The following ARHGAP32 variants were observed in gnomAD, a reference collection of about 807,000 sequenced individuals.
ARHGAP32 encodes the protein rho GTPase-activating protein 32.
In ARHGAP32, 51 loss-of-function variants were observed where a neutral mutation model predicts 186.5. That is an observed-to-expected ratio of 0.27 (90% confidence interval 0.22 to 0.35). ARHGAP32 has a LOEUF of 0.35. Among genes scored for constraint, ARHGAP32 ranks in the 10% least tolerant of loss-of-function variants. The probability of loss-of-function intolerance (pLI) is 1.00; values close to 1 mark genes in which losing one functional copy is unlikely to be tolerated. For synonymous variants in ARHGAP32, 950 were observed against 964.3 expected (o/e 0.99, Z 0.27); for missense variants, 2,186 against 2,623.5 (o/e 0.83, Z 3.64).
intron 1 of ARHGAP32, among the ~76,000 whole-genome samples, chr11:129,171,022 T>C (rs1439732126): frequency 6.6e-6 from 1 of 152,214 alleles, no homozygotes; most frequent in African/African-American, 2.4e-5. Context: ...GTTATTTATC[T>C]TTATCTTGTA....
At chr11:129,185,566 C>T (rs186862705) in intron 1 of ARHGAP32, among the ~76,000 whole-genome samples, 259 of 152,128 alleles carry the variant, frequency 1.7e-3, no homozygotes, top group Middle Eastern at 0.014. Context: ...CAAACCTGCA[C>T]GTTGTGCACA....
At chr11:129,088,994 T>TGAAAAAAAAAAAAAAAAA (rs1565416702) in intron 6 of ARHGAP32, among the ~76,000 whole-genome samples, 1 of 65,572 alleles carries the variant, frequency 1.5e-5, no homozygotes. Flanking sequence ...AGAGACCTTG[T>TGAAAAAAAAAAAAAAAAA]CAAAAAAAAA....
chr11:129,163,287 T>C (rs1309456008), intron 2 of ARHGAP32, among the ~76,000 whole-genome samples: 1 of 152,186 alleles, frequency 6.6e-6, no homozygotes, highest in East Asian at 1.9e-4. Flanking sequence ...GAACACTGAC[T>C]CTTAACCACA....
chr11:129,203,917 AT>A, intron 1 of ARHGAP32, among the ~76,000 whole-genome samples: 1 of 148,372 alleles, frequency 6.7e-6, no homozygotes, highest in Non-Finnish European at 1.5e-5. Flanking sequence ...GCATATATAT[AT>A]AATTGCATAC....
chr11:129,173,740 T>G (rs1197403315), intron 1 of ARHGAP32, among the ~76,000 whole-genome samples: 1 of 152,202 alleles, frequency 6.6e-6, no homozygotes, highest in Non-Finnish European at 1.5e-5. Flanking sequence ...ATAAATTCTT[T>G]AAAATATTTT....
At chr11:129,003,911 A>G (rs1469238649) in intron 11 of ARHGAP32, among the ~76,000 whole-genome samples, 1 of 151,826 alleles carries the variant, frequency 6.6e-6, no homozygotes, top group Non-Finnish European at 1.5e-5. Flanking sequence ...TTTTTCTTCT[A>G]CTAATTTGGG....
At chr11:129,252,171 T>C (rs1945195023) in intron 1 of ARHGAP32, among the ~76,000 whole-genome samples, 1 of 152,174 alleles carries the variant, frequency 6.6e-6, no homozygotes, top group Non-Finnish European at 1.5e-5. Context: ...CTTTAACACC[T>C]TTACCATCAC....
chr11:129,211,866 T>C (rs1944586217), intron 1 of ARHGAP32, among the ~76,000 whole-genome samples: 1 of 152,122 alleles, frequency 6.6e-6, no homozygotes, highest in Non-Finnish European at 1.5e-5. Flanking sequence ...TGTAAAGTAC[T>C]AAAATTGGCC....
chr11:129,271,958 GA>G (rs1945478504), intron 1 of ARHGAP32, among the ~76,000 whole-genome samples: 1 of 152,132 alleles, frequency 6.6e-6, no homozygotes, highest in South Asian at 2.1e-4. Context: ...GGTGGCTGAT[GA>G]TGCCACTTAC....
At chr11:129,199,136 G>T (rs773360265) in intron 1 of ARHGAP32, among the ~76,000 whole-genome samples, 1 of 152,148 alleles carries the variant, frequency 6.6e-6, no homozygotes, top group Non-Finnish European at 1.5e-5. Context: ...GATGTGACTG[G>T]GTTGCTGTTA....
At chr11:129,177,709 CAG>C (rs1443927037) in intron 1 of ARHGAP32, among the ~76,000 whole-genome samples, 5 of 152,116 alleles carry the variant, frequency 3.3e-5, no homozygotes, top group Admixed American at 2.0e-4. Context: ...TCAATAGATG[CAG>C]AAAAGGCCTT....
At chr11:129,093,736 GA>G (rs1344490555) in intron 5 of ARHGAP32, 29 bp from the exon 6 acceptor site, 3 of 1,473,840 alleles carry the variant, frequency 2.0e-6, no homozygotes, top group East Asian at 4.7e-5. Flanking sequence ...AGAAGAGGGG[GA>G]AAGAAAGTCA....
intron 2 of ARHGAP32, among the ~76,000 whole-genome samples, chr11:129,152,137 T>C (rs1484074428): frequency 6.6e-6 from 1 of 152,192 alleles, no homozygotes; most frequent in Non-Finnish European, 1.5e-5. Flanking sequence ...GATAACTTCC[T>C]GGAAATATAC....
At chr11:129,271,766 T>G (rs931823604) in intron 1 of ARHGAP32, among the ~76,000 whole-genome samples, 5 of 152,162 alleles carry the variant, frequency 3.3e-5, no homozygotes, top group Non-Finnish European at 5.9e-5. Flanking sequence ...TCAAAACTAG[T>G]AAAGTTGGCC....
rs532746281 is a variant in ARHGAP32, at chr11:129,255,288, A to C, written c.-5+23858T>G. Among the ~76,000 whole-genome samples the C allele has an allele frequency of 3.0e-4, 45 of 152,222 alleles. 1 individual carries two copies. The highest frequency in any genetic ancestry group is 1.5e-3 in the Admixed American group (23 of 15,288). On this transcript the variant is annotated intron_variant, in intron 1 of 6. Coordinates refer to the ARHGAP32 transcript ENST00000525234. ...AGCTGACACTGCAATGCAATTGAAA[A>C]GGATCATCTTTTTAATAAATGGTGC...
intron 7 of ARHGAP32, among the ~76,000 whole-genome samples, chr11:129,065,500 C>G (rs1187136670): frequency 6.6e-6 from 1 of 151,986 alleles, no homozygotes; most frequent in African/African-American, 2.4e-5. Flanking sequence ...CCTGGGACCT[C>G]TTGGTAGTGG....
chr11:128,978,858 GA>G lies in ARHGAP32; in HGVS notation c.2033del (p.Phe678SerfsTer24). The G allele has an allele frequency of 6.2e-7, 1 of 1,611,838 alleles. No homozygotes were observed. The highest frequency in any genetic ancestry group is 2.2e-5 in the East Asian group (1 of 44,678). ...KSPVGSWRSF[F>X]NLGKSSSVSK... The stretch of plus-strand genomic sequence containing the variant: ...AAACAGATGATGATTTCCCCAAGTT[GA>G]AAAAGGAACGCCAGCTACCCACAGG... On this transcript the variant is annotated frameshift_variant, in exon 19 of 23. Transcript: ENST00000682385. LOFTEE classifies it high-confidence loss of function.
chr11:129,231,318 TCAGTA>T (rs1944855788), intron 1 of ARHGAP32, among the ~76,000 whole-genome samples: 1 of 152,186 alleles, frequency 6.6e-6, no homozygotes, highest in Admixed American at 6.5e-5. Context: ...AGATGAAATC[TCAGTA>T]CAGACGCACT....
chr11:128,975,226 G>A (rs1945508187), intron 20 of ARHGAP32, among the ~76,000 whole-genome samples: 1 of 152,176 alleles, frequency 6.6e-6, no homozygotes, highest in Non-Finnish European at 1.5e-5. Context: ...GAATCAGAGG[G>A]CGAATGCAGT....
Sources: allele counts gnomAD v4.1 joint callset (sites outside exome capture counted in the v4.1 genomes callset), GRCh38; gene constraint gnomAD v4.1.1; transcripts MANE v1.5; gene names NCBI Gene and HGNC (gene_info 2026-07-23, HGNC 2026-07-21).